Variants in LRCH2 observed in about 807,000 individuals in gnomAD.
LRCH2 encodes the protein leucine-rich repeat and calponin homology domain-containing protein 2.
LRCH2 carries 38 observed loss-of-function variants against 68.9 expected under a neutral mutation model. The ratio of observed to expected loss-of-function variants is 0.55; its 90% CI spans 0.43 to 0.72. The LOEUF is 0.72. Among genes scored for constraint, LRCH2 ranks in the 30% least tolerant of loss-of-function variants. The pLI, the probability that LRCH2 is intolerant of heterozygous loss-of-function variation, is 0.00. For missense variants in LRCH2, 528 were observed against 572.9 expected (o/e 0.92, Z 0.80); for synonymous variants, 191 against 208.1 (o/e 0.92, Z 0.71).
intron 1 of LRCH2, among the ~76,000 whole-genome samples, chrX:115,231,473 C>A (rs2147373998): frequency 9.0e-6 from 1 of 111,178 alleles, no homozygotes; most frequent in African/African-American, 3.3e-5. Context: ...TTATCAAAAA[C>A]AAATGGCAAA....
intron 5 of LRCH2, among the ~76,000 whole-genome samples, chrX:115,174,654 T>C (rs1194724363): frequency 9.3e-6 from 1 of 107,424 alleles, no homozygotes; most frequent in Non-Finnish European, 1.9e-5. Context: ...TTGATGGACA[T>C]ACAGGTTGTT....
At chrX:115,145,482 G>A (rs6643942) in intron 14 of LRCH2, among the ~76,000 whole-genome samples, 8,465 of 110,516 alleles carry the variant, frequency 0.077, 307 homozygotes, top group Non-Finnish European at 0.11. Context: ...CACAGCAAAG[G>A]AAACAAGAAA....
intron 14 of LRCH2, among the ~76,000 whole-genome samples, chrX:115,135,517 A>G (rs2072283100): frequency 9.0e-6 from 1 of 111,567 alleles, no homozygotes; most frequent in African/African-American, 3.3e-5. Context: ...TGGATGTGCA[A>G]AAAAGGTAGG....
chrX:115,199,142 C>T (rs2072912602), intron 1 of LRCH2, among the ~76,000 whole-genome samples: 1 of 111,825 alleles, frequency 8.9e-6, no homozygotes, highest in Non-Finnish European at 1.9e-5. Context: ...GTATAAAACT[C>T]ACTGGTAAAG....
At chrX:115,192,485 G>A (rs1283968261) in intron 1 of LRCH2, 2 of 1,170,970 alleles carry the variant, frequency 1.7e-6, no homozygotes, top group South Asian at 1.9e-5. Context: ...TCGAGGGGTC[G>A]AGACCGGGTA....
chrX:115,162,230 T>A (rs1287288960), intron 11 of LRCH2, among the ~76,000 whole-genome samples: 1 of 111,164 alleles, frequency 9.0e-6, no homozygotes, highest in Non-Finnish European at 1.9e-5. Context: ...TAGCTGTGGG[T>A]TCTTAAAAAA....
Position 115,184,520 on chromosome X carries a change from G to A in LRCH2, c.512C>T (p.Thr171Ile), listed in dbSNP as rs781867396. The A allele has an allele frequency of 3.4e-6, 4 of 1,167,498 alleles. No individual in the cohort carries two copies. In the Admixed American group the frequency reaches 1.0e-4, roughly 30 times the overall value. Residue 171 changes from threonine (T) to isoleucine (I), a missense_variant, in exon 3 of 21, where the codon ACA becomes ATA. By Grantham distance (89) the Thr-to-Ile change is moderately conservative (BLOSUM62 -1). Coordinates refer to ENST00000317135, the MANE Select transcript of LRCH2 (RefSeq NM_020871.4). ...YLNISRNLLS[T>I]LPKYLFDLPL... The stretch of plus-strand genomic sequence containing the variant: ...AAGATCAAATAGGTATTTTGGCAAT[G>A]TTGATAAAAGATTTCGGCTGAAAAG...
chrX:115,213,972 G>A (rs1262057800), intron 1 of LRCH2, among the ~76,000 whole-genome samples: 2 of 111,925 alleles, frequency 1.8e-5, no homozygotes, highest in Admixed American at 9.5e-5. Flanking sequence ...CATAAAGATA[G>A]AAAATAAAAT....
chrX:115,149,589 G>A (rs1556537642), intron 14 of LRCH2, among the ~76,000 whole-genome samples: 1 of 111,239 alleles, frequency 9.0e-6, no homozygotes, highest in Non-Finnish European at 1.9e-5. Flanking sequence ...GCAAACATTC[G>A]TCTATCTTGC....
chrX:115,167,191 TAAAA>T (rs58298502), intron 6 of LRCH2, among the ~76,000 whole-genome samples: 1 of 8,396 alleles, frequency 1.2e-4, no homozygotes, highest in Non-Finnish European at 1.9e-4. Flanking sequence ...AGTTTCATGC[TAAAA>T]AAAAAAAAAA....
At chrX:115,143,010 A>G (rs1374343109) in intron 14 of LRCH2, among the ~76,000 whole-genome samples, 1 of 110,564 alleles carries the variant, frequency 9.0e-6, no homozygotes, top group Non-Finnish European at 1.9e-5. Context: ...AGGTGAAAGG[A>G]TGGCTTGACC....
intron 14 of LRCH2, among the ~76,000 whole-genome samples, chrX:115,136,484 C>CTT (rs782475566): frequency 2.5e-4 from 26 of 105,119 alleles, no homozygotes; most frequent in Non-Finnish European, 4.9e-4. Flanking sequence ...TTATTTTTAC[C>CTT]TTTTTTTTTT....
intron 1 of LRCH2, among the ~76,000 whole-genome samples, chrX:115,193,716 A>G (rs1339084151): frequency 4.5e-5 from 5 of 111,276 alleles, no homozygotes; most frequent in African/African-American, 1.6e-4. Context: ...GGTCTGGATA[A>G]CCATTGTAGG....
intron 1 of LRCH2, among the ~76,000 whole-genome samples, chrX:115,212,692 T>TG (rs1187855156): frequency 9.2e-6 from 1 of 108,582 alleles, no homozygotes; most frequent in Non-Finnish European, 1.9e-5. Flanking sequence ...GGGTCTTGGG[T>TG]GGGGGCAGTG....
At chrX:115,132,058 T>C (rs1199859255) in intron 14 of LRCH2, among the ~76,000 whole-genome samples, 1 of 111,786 alleles carries the variant, frequency 8.9e-6, no homozygotes, top group Non-Finnish European at 1.9e-5. Context: ...CTGACGGTAG[T>C]TTTTTTGGCT....
intron 1 of LRCH2, among the ~76,000 whole-genome samples, chrX:115,206,931 C>A (rs2072972311): frequency 9.3e-6 from 1 of 107,492 alleles, no homozygotes; most frequent in Admixed American, 1.0e-4. Flanking sequence ...TAACATAAAA[C>A]TATTTGTATC....
At chrX:115,224,854 A>C (rs181971477) in intron 1 of LRCH2, among the ~76,000 whole-genome samples, 5 of 111,787 alleles carry the variant, frequency 4.5e-5, no homozygotes, top group Non-Finnish European at 7.5e-5. Flanking sequence ...GAGCCTTCAG[A>C]ATTAAGACCC....
chrX:115,121,332 A>G (rs2072140836), intron 20 of LRCH2, among the ~76,000 whole-genome samples: 1 of 111,568 alleles, frequency 9.0e-6, no homozygotes, highest in South Asian at 3.8e-4. Context: ...AAGAAACAAC[A>G]AACATTTTTA....
chrX:115,196,862 C>T lies in LRCH2; in HGVS notation c.350-8492G>A, dbSNP rs181599132. Among the ~76,000 whole-genome samples the T allele has an allele frequency of 7.2e-5, 8 of 110,980 alleles. No homozygotes were observed. In the East Asian group the frequency reaches 2.3e-3, roughly 31 times the overall value. ...GCCACCCAGATGCCCAAACATGAGC[C>T]TGCCTGGAAACTGCCAACACAGGAG... On this transcript the variant is annotated intron_variant, in intron 1 of 20. Coordinates refer to ENST00000317135, the MANE Select transcript of LRCH2 (RefSeq NM_020871.4).
Sources: allele counts gnomAD v4.1 joint callset (sites outside exome capture counted in the v4.1 genomes callset), GRCh38; gene constraint gnomAD v4.1.1; transcripts MANE v1.5; gene names NCBI Gene and HGNC (gene_info 2026-07-23, HGNC 2026-07-21).